CEP128: variants seen among roughly 807,000 people sequenced by gnomAD.
The protein encoded by CEP128 is centrosomal protein 128kDa.
Under a neutral mutation model 156.7 loss-of-function variants are expected in CEP128, and 132 were observed. The ratio of observed to expected loss-of-function variants is 0.84; its 90% CI spans 0.73 to 0.97. CEP128 has a LOEUF of 0.97. Among genes scored for constraint, CEP128 ranks in the 50% least tolerant of loss-of-function variants. The pLI is 0.00. For missense variants in CEP128, 1,252 were observed against 1,281.9 expected, an observed-to-expected ratio of 0.98 and a Z score of 0.36; for synonymous variants, 469 against 448.9, an observed-to-expected ratio of 1.04 and a Z score of -0.57.
At chr14:80,726,587 A>G (rs868212124) in intron 19 of CEP128, among the ~76,000 whole-genome samples, 2 of 152,344 alleles carry the variant, frequency 1.3e-5, no homozygotes, top group Non-Finnish European at 2.9e-5. Flanking sequence ...CACACTCCAA[A>G]GACACTAACA....
rs1328980441 is a variant in CEP128, at chr14:80,503,078, G to GA, written c.3181+1833dup. Among the ~76,000 whole-genome samples, 8 of 152,088 alleles carry GA rather than the reference G, an allele frequency of 5.3e-5. No individual in the cohort carries two copies. In the East Asian group the frequency reaches 1.4e-3, roughly 26 times the overall value. On this transcript the variant is annotated intron_variant, in intron 24 of 24. Transcript: ENST00000555265. ...GAAAATATGGGGATAGGTCTGGGAA[G>GA]AAAATCATAAAACAAACTTGTACAC...
upstream of CEP128, among the ~76,000 whole-genome samples, chr14:80,945,085 A>G (rs964351661): frequency 2.0e-5 from 3 of 152,100 alleles, no homozygotes; most frequent in Non-Finnish European, 4.4e-5. Context: ...CTTAAACAAC[A>G]AAAATTTATT....
chr14:80,624,598 T>C (rs560433845), intron 19 of CEP128, among the ~76,000 whole-genome samples: 23 of 152,284 alleles, frequency 1.5e-4, no homozygotes, highest in African/African-American at 5.5e-4. Context: ...TGTTATTTTC[T>C]GCCTTTTGAT....
intron 18 of CEP128, among the ~76,000 whole-genome samples, chr14:80,754,228 A>G (rs1386108545): frequency 1.3e-5 from 2 of 152,136 alleles, no homozygotes; most frequent in Non-Finnish European, 2.9e-5. Flanking sequence ...ACTATTGCTA[A>G]ATCATTTGAG....
chr14:80,913,984 A>T (rs1368562120), intron 4 of CEP128, among the ~76,000 whole-genome samples: 2 of 152,176 alleles, frequency 1.3e-5, no homozygotes, highest in Non-Finnish European at 2.9e-5. Flanking sequence ...TTTAACAATA[A>T]ACACATATTA....
In CEP128 at chr14:80,559,322, T is replaced by C. The variant is rs1350525281; in HGVS notation, c.2857-20A>G. ...ACGGTCCTGCAAAGAAAGCATAATA[T>C]ATAATTATAAAACGAAGGCTGTTTA... On this transcript the variant is annotated intron_variant, in intron 20 of 24. Transcript: ENST00000555265. The C allele has an allele frequency of 1.3e-6, 2 of 1,581,616 alleles. No individual in the cohort carries two copies. Among genetic ancestry groups the C allele is most frequent in the Non-Finnish European group, 1.7e-6 (2 of 1,166,664 alleles).
intron 19 of CEP128, among the ~76,000 whole-genome samples, chr14:80,686,586 T>C (rs1566856979): frequency 6.6e-6 from 1 of 152,102 alleles, no homozygotes; most frequent in African/African-American, 2.4e-5. Context: ...ATATTAACCT[T>C]AAACGTAAAT....
chr14:80,784,714 T>A (rs1901303991), intron 15 of CEP128, among the ~76,000 whole-genome samples, 181 bp downstream of exon 15: 1 of 152,208 alleles, frequency 6.6e-6, no homozygotes, highest in Non-Finnish European at 1.5e-5. Context: ...TGCTCCCAGG[T>A]GGCTGTTATA....
intron 4 of CEP128, among the ~76,000 whole-genome samples, chr14:80,911,371 T>C (rs954425855): frequency 6.6e-6 from 1 of 151,914 alleles, no homozygotes; most frequent in East Asian, 1.9e-4. Context: ...CCAGGTGTAG[T>C]GGTACACAAC....
intron 8 of CEP128, among the ~76,000 whole-genome samples, chr14:80,868,270 C>T (rs189231322): frequency 1.5e-4 from 23 of 152,194 alleles, no homozygotes; most frequent in Non-Finnish European, 2.5e-4. Flanking sequence ...GTTTAAGTTA[C>T]TTTTAACTCT....
intron 20 of CEP128, among the ~76,000 whole-genome samples, chr14:80,565,739 A>T (rs1890884708): frequency 6.6e-6 from 1 of 152,198 alleles, no homozygotes; most frequent in Non-Finnish European, 1.5e-5. Flanking sequence ...TTATCAGAAT[A>T]TCTAATCATT....
intron 19 of CEP128, among the ~76,000 whole-genome samples, chr14:80,695,515 A>G (rs1041908406): frequency 6.6e-6 from 1 of 151,852 alleles, no homozygotes; most frequent in Non-Finnish European, 1.5e-5. Flanking sequence ...CAGGAGTTTG[A>G]CCCTAGCCTG....
chr14:80,811,847 T>TAGATAGATAGATA (rs1555350870), intron 13 of CEP128, among the ~76,000 whole-genome samples: 1 of 150,508 alleles, frequency 6.6e-6, no homozygotes, highest in African/African-American at 2.4e-5. Context: ...GATAGATAGA[T>TAGATAGATAGATA]GATAACAGTC....
chr14:80,754,321 C>T (rs528350528), intron 18 of CEP128, among the ~76,000 whole-genome samples: 1 of 152,284 alleles, frequency 6.6e-6, no homozygotes, highest in East Asian at 1.9e-4. Flanking sequence ...TTGCTCTTTA[C>T]CTGGATGGTT....
At chr14:80,627,264 C>T (rs550439923) in intron 19 of CEP128, among the ~76,000 whole-genome samples, 1 of 152,162 alleles carries the variant, frequency 6.6e-6, no homozygotes, top group Non-Finnish European at 1.5e-5. Flanking sequence ...TATTGCATTA[C>T]AGTACAATCA....
At chr14:80,916,949 AG>A (rs1401563371) in intron 2 of CEP128, among the ~76,000 whole-genome samples, 1 of 152,204 alleles carries the variant, frequency 6.6e-6, no homozygotes, top group Non-Finnish European at 1.5e-5. Context: ...AGGACCAGCA[AG>A]TATCTTAATA....
At chr14:80,654,900 T>A (rs1414836620) in intron 19 of CEP128, among the ~76,000 whole-genome samples, 1 of 152,138 alleles carries the variant, frequency 6.6e-6, no homozygotes, top group African/African-American at 2.4e-5. Context: ...TGTCACAGTG[T>A]AGCCACTGTT....
At chr14:80,505,171 T>C (rs1887915955) in intron 23 of CEP128, 151 bp from the exon 24 acceptor site, 2 of 350,918 alleles carry the variant, frequency 5.7e-6, no homozygotes, top group Non-Finnish European at 5.2e-6. Context: ...AAAAATAAAA[T>C]ATGTGCATGT....
rs201939198 is a variant in CEP128, at chr14:80,904,844, C to T, written c.449G>A (p.Arg150Gln). The T allele has an allele frequency of 3.7e-6, 6 of 1,606,858 alleles. No individual in the cohort carries two copies. The highest frequency in any genetic ancestry group is 1.3e-5 in the African/African-American group (1 of 74,706). The change falls in exon 6 of 25, where the codon CGG becomes CAG. Residue 150 changes from arginine to glutamine, a missense_variant. Transcript: ENST00000555265. Reference protein sequence around the residue: ...IKRMRSRTGVRFVQETDDMTQ... With the variant: ...IKRMRSRTGVQFVQETDDMTQ... ...CATATCATCAGTCTCTTGAACAAAC[C>T]GGACACCAGTTCTTGATCTCATTCG...
Sources: allele counts gnomAD v4.1 joint callset (sites outside exome capture counted in the v4.1 genomes callset), GRCh38; gene constraint gnomAD v4.1.1; transcripts MANE v1.5; gene names NCBI Gene and HGNC (gene_info 2026-07-23, HGNC 2026-07-21).